Variants in FREM1 observed in about 807,000 individuals in gnomAD.
FREM1 encodes FRAS1-related extracellular matrix protein 1.
A neutral mutation model predicts 210.1 loss-of-function variants in FREM1; 220 were observed. That is an observed-to-expected ratio of 1.05 (90% CI 0.94 to 1.17). The LOEUF (loss-of-function observed/expected upper bound fraction) is 1.17. Among genes scored for constraint, FREM1 ranks in the 50% most tolerant of loss-of-function variants. The probability of loss-of-function intolerance (pLI) is 0.00; values close to 1 mark genes in which losing one functional copy is unlikely to be tolerated. For missense variants in FREM1, 3,454 were observed against 2,675.5 expected, an observed-to-expected ratio of 1.29 and a Z score of -6.42; for synonymous variants, 1,189 against 980.2, an observed-to-expected ratio of 1.21 and a Z score of -3.98.
At position 14,742,878 on chromosome 9, in the gene FREM1, A is replaced by G. The variant is rs147690745; in HGVS notation, c.6255-2644T>C. Among the ~76,000 whole-genome samples the G allele has an allele frequency of 1.2e-3, 176 of 152,252 alleles. 1 individual carries two copies. Among genetic ancestry groups the G allele is most frequent in the African/African-American group, 4.2e-3 (173 of 41,572 alleles). ...ACACCTATGATGAGAAACCTGCTATACTTAGGGGACCTGTTTTAGAGAGTA... is the reference window on the plus strand; with the variant it reads ...ACACCTATGATGAGAAACCTGCTATGCTTAGGGGACCTGTTTTAGAGAGTA... On this transcript the variant is annotated intron_variant, in intron 35 of 36. Transcript: ENST00000380880.
chr9:14,890,618 A>G (rs1214185289), intron 1 of FREM1, among the ~76,000 whole-genome samples: 1 of 152,216 alleles, frequency 6.6e-6, no homozygotes, highest in Non-Finnish European at 1.5e-5. Flanking sequence ...TGACTAAAAT[A>G]TAGAATGGCC....
intron 33 of FREM1, 44 bp downstream of exon 33, chr9:14,747,220 C>A (rs1388406374): frequency 6.3e-7 from 1 of 1,596,732 alleles, no homozygotes; most frequent in African/African-American, 1.4e-5. Flanking sequence ...GCCCAGCAAA[C>A]AACTTGTTAT....
At chr9:14,755,295 T>G (rs1364949747) in intron 29 of FREM1, among the ~76,000 whole-genome samples, 1 of 152,238 alleles carries the variant, frequency 6.6e-6, no homozygotes, top group Non-Finnish European at 1.5e-5. Context: ...GACATTAAGA[T>G]AGGCAATTTT....
intron 1 of FREM1, among the ~76,000 whole-genome samples, chr9:14,895,540 T>C (rs1050330093): frequency 2.0e-5 from 3 of 152,140 alleles, no homozygotes; most frequent in Non-Finnish European, 4.4e-5. Flanking sequence ...AACAACTCCA[T>C]ATCTGCTTGG....
chr9:14,779,752 C>G (rs1849346399), intron 24 of FREM1, among the ~76,000 whole-genome samples: 1 of 152,202 alleles, frequency 6.6e-6, no homozygotes. Flanking sequence ...CCACAGACCA[C>G]AGAAGAGTAA....
At chr9:14,843,970 G>C (rs1233400785) in intron 8 of FREM1, among the ~76,000 whole-genome samples, 1 of 152,174 alleles carries the variant, frequency 6.6e-6, no homozygotes, top group African/African-American at 2.4e-5. Flanking sequence ...GTTGTTCTAA[G>C]TCTCAGGTTA....
intron 27 of FREM1, among the ~76,000 whole-genome samples, chr9:14,764,314 G>A (rs1368314771): frequency 6.6e-6 from 1 of 152,116 alleles, no homozygotes; most frequent in Non-Finnish European, 1.5e-5. Context: ...TATTAGCAGT[G>A]TGAAAGCAGA....
chr9:14,746,263 T>G lies in FREM1; in HGVS notation c.6254+90A>C, dbSNP rs4124592. ...CAGATATTAGGCACTCAATACTTGT[T>G]GAATGAATGAAGCAGCTCTCCGCTT... On this transcript the variant is annotated intron_variant, in intron 35 of 36. Transcript: ENST00000380880. The G allele has an allele frequency of 0.058, 54,044 of 935,010 alleles. 1,917 individuals are homozygous for G. The highest frequency in any genetic ancestry group is 0.08 in the African/African-American group (4,920 of 61,364). 57.9% of individuals were successfully genotyped at this position (935,010 alleles called of 1,614,324 possible).
intron 10 of FREM1, among the ~76,000 whole-genome samples, chr9:14,828,160 G>T (rs558975285): frequency 1.3e-5 from 2 of 152,144 alleles, no homozygotes; most frequent in East Asian, 3.9e-4. Context: ...GGCACCTGAC[G>T]CCAACCTCTG....
intron 5 of FREM1, among the ~76,000 whole-genome samples, chr9:14,852,317 T>A (rs543713730): frequency 6.6e-6 from 1 of 152,282 alleles, no homozygotes; most frequent in East Asian, 1.9e-4. Context: ...GAGAGCACTA[T>A]GAGCAAGAGA....
chr9:14,869,460 T>C (rs1832176071), intron 1 of FREM1, among the ~76,000 whole-genome samples: 1 of 152,202 alleles, frequency 6.6e-6, no homozygotes, highest in Non-Finnish European at 1.5e-5. Context: ...GGACTTGACA[T>C]ACCGCTTCCG....
intron 24 of FREM1, among the ~76,000 whole-genome samples, chr9:14,782,933 T>C (rs548629435): frequency 6.6e-6 from 1 of 152,338 alleles, no homozygotes; most frequent in African/African-American, 2.4e-5. Flanking sequence ...CAGGCAGTTC[T>C]TGCCCCCAAG....
intron 23 of FREM1, 63 bp downstream of exon 23, chr9:14,788,856 T>C (rs1850828428): frequency 8.1e-7 from 1 of 1,228,964 alleles, no homozygotes; most frequent in Non-Finnish European, 1.1e-6. Context: ...AAGAAACGAA[T>C]GTGGAATACT....
chr9:14,776,296 G>A, intron 24 of FREM1, 93 bp from the exon 25 acceptor site: 3 of 1,357,660 alleles, frequency 2.2e-6, no homozygotes, highest in Non-Finnish European at 2.9e-6. Flanking sequence ...TTACTAAAGG[G>A]TATTGTCGTG....
Position 14,805,044 on chromosome 9 carries a change from C to T in FREM1, c.3383G>A (p.Gly1128Glu), listed in dbSNP as rs1180608468. 1 of 1,613,216 alleles carries T rather than the reference C, an allele frequency of 6.2e-7. No individual in the cohort carries two copies. The highest frequency in any genetic ancestry group is 8.5e-7 in the Non-Finnish European group (1 of 1,179,342). Residue 1128 changes from glycine to glutamate, a missense_variant, in exon 19 of 37, where the codon GGG becomes GAG. By Grantham distance (98) the Gly-to-Glu change is moderately conservative. Transcript: ENST00000380880. ...TGGTATCTCCAAGGAGTGATGCTTC[C>T]CATCTGTGACGTACACCGTGAACTG... ...ADQFTVYVTDGKHHSLEIPFS... is the reference protein window; with the variant it reads ...ADQFTVYVTDEKHHSLEIPFS...
intron 1 of FREM1, among the ~76,000 whole-genome samples, chr9:14,870,605 C>T (rs948943285): frequency 6.6e-6 from 1 of 151,690 alleles, no homozygotes; most frequent in Admixed American, 6.6e-5. Flanking sequence ...AGAAAAAATA[C>T]CCTTAGAAAG....
Position 14,788,902 on chromosome 9 carries a change from G to T in FREM1, c.4177+17C>A. 1 of 1,601,180 alleles carries T rather than the reference G, an allele frequency of 6.2e-7. No individual in the cohort carries two copies. The highest frequency in any genetic ancestry group is 8.5e-7 in the Non-Finnish European group (1 of 1,173,004). On this transcript the variant is annotated intron_variant, in intron 23 of 36. Coordinates refer to ENST00000380880, the MANE Select transcript of FREM1 (RefSeq NM_001379081.2). ...AGCAAAGTTGATCCCAGTAAACCTT[G>T]GTAGACGTGCTTTTACCTTTTTCCA...
intron 16 of FREM1, among the ~76,000 whole-genome samples, chr9:14,809,879 GATGTATGT>G (rs111568448): frequency 6.7e-5 from 10 of 150,324 alleles, no homozygotes; most frequent in African/African-American, 1.5e-4. Flanking sequence ...GAATAGCACA[GATGTATGT>G]ATGTATGTAT....
chr9:14,904,509 G>C (rs1474998196), intron 1 of FREM1, among the ~76,000 whole-genome samples: 3 of 152,174 alleles, frequency 2.0e-5, no homozygotes, highest in African/African-American at 7.2e-5. Context: ...CATATGTATG[G>C]AAAAGAGCAG....
Sources: allele counts gnomAD v4.1 joint callset (sites outside exome capture counted in the v4.1 genomes callset), GRCh38; gene constraint gnomAD v4.1.1; transcripts MANE v1.5; gene names NCBI Gene and HGNC (gene_info 2026-07-23, HGNC 2026-07-21).